Variants in SCNN1G observed in about 807,000 individuals in gnomAD.
SCNN1G encodes the protein sodium channel epithelial 1 subunit gamma.
A neutral mutation model predicts 64.6 loss-of-function variants in SCNN1G; 27 were observed. The ratio of observed to expected loss-of-function variants is 0.42; its 90% CI spans 0.31 to 0.58. The LOEUF is 0.58. Among genes scored for constraint, SCNN1G ranks in the 20% least tolerant of loss-of-function variants. The pLI is 0.18. For synonymous variants in SCNN1G, 330 were observed against 314.2 expected (o/e 1.05, Z -0.53); for missense variants, 743 against 823.4 (o/e 0.90, Z 1.19).
Position 23,214,755 on chromosome 16 carries a change from CAGAGATCCATCAT to C in SCNN1G, c.1538_1550del (p.Gln513ArgfsTer23). 1 of 1,614,124 alleles carries C rather than the reference CAGAGATCCATCAT, an allele frequency of 6.2e-7. No individual in the cohort carries two copies. The highest frequency in any genetic ancestry group is 1.1e-5 in the South Asian group (1 of 91,078). On this transcript the variant is annotated frameshift_variant, in exon 12 of 13. Coordinates refer to ENST00000300061, the MANE Select transcript of SCNN1G (RefSeq NM_001039.4). LOFTEE classifies it high-confidence loss of function. The stretch of plus-strand genomic sequence containing the variant: ...CTTGATATTCTACAAAGACCTGAAC[CAGAGATCCATCAT>C]GGAGAGCCCAGCCAACAGTGTGAGT...
chr16:23,184,834 G>T (rs1309345685), intron 1 of SCNN1G, among the ~76,000 whole-genome samples: 3 of 152,130 alleles, frequency 2.0e-5, no homozygotes, highest in Admixed American at 6.5e-5. Flanking sequence ...GGTCCTCTCT[G>T]GTCCTGGGGA....
chr16:23,186,412 C>T lies in SCNN1G; in HGVS notation c.141C>T (p.Ser47=). 1.2e-6 allele frequency: 2 copies of T among 1,614,238 alleles called. No homozygotes were observed. The highest frequency in any genetic ancestry group is 1.7e-6 in the Non-Finnish European group (2 of 1,180,044). ...NTHGCRRIVV[S]RGRLRRLLWI... The stretch of plus-strand genomic sequence containing the variant: ...ATGGCTGTCGCCGCATCGTGGTGTC[C>T]CGCGGCCGTCTGCGCCGCCTCCTCT... The change falls in exon 2 of 13, where the codon TCC becomes TCT. Residue 47 remains serine (S), a synonymous_variant. Transcript: ENST00000300061.
intron 6 of SCNN1G, among the ~76,000 whole-genome samples, chr16:23,204,316 T>TAC (rs1959947543): frequency 1.2e-5 from 1 of 82,700 alleles, no homozygotes; most frequent in African/African-American, 4.5e-5. Context: ...TATATATATA[T>TAC]ATATATATAT....
At position 23,194,232 on chromosome 16, in the gene SCNN1G, A is replaced by T. The variant is rs776412617; in HGVS notation, c.871A>T (p.Asn291Tyr). Residue 291 changes from asparagine (N) to tyrosine (Y), a missense_variant, in exon 5 of 13, where the codon AAT (asparagine) becomes TAT (tyrosine). Coordinates refer to ENST00000300061, the MANE Select transcript of SCNN1G (RefSeq NM_001039.4). ...GNCYTFNNRE[N>Y]ETILSTSMGG... ...TTGCTATACTTTCAACAACAGAGAAAATGAGACCATTCTCAGCACCTCCAT... is the reference window on the plus strand; with the variant it reads ...TTGCTATACTTTCAACAACAGAGAATATGAGACCATTCTCAGCACCTCCAT... 1 of 1,613,982 alleles carries T rather than the reference A, an allele frequency of 6.2e-7. No homozygotes were observed. The highest frequency in any genetic ancestry group is 2.2e-5 in the East Asian group (1 of 44,876).
chr16:23,194,781 G>A (rs575576712), intron 5 of SCNN1G: 1 of 182,266 alleles, frequency 5.5e-6, no homozygotes, highest in African/African-American at 2.4e-5. Flanking sequence ...TGAGATTACT[G>A]ACAGGACTTA....
At chr16:23,198,116 T>G (rs1423769632) in intron 6 of SCNN1G, among the ~76,000 whole-genome samples, 4 of 152,214 alleles carry the variant, frequency 2.6e-5, no homozygotes, top group Non-Finnish European at 5.9e-5. Context: ...CACTCAGCTA[T>G]CCAAAGTCTA....
chr16:23,196,870 T>C (rs1362507006), intron 5 of SCNN1G, among the ~76,000 whole-genome samples: 2 of 152,208 alleles, frequency 1.3e-5, no homozygotes, highest in Non-Finnish European at 2.9e-5. Context: ...TCATCTCTTC[T>C]CTGAGTGCCC....
Position 23,192,556 on chromosome 16 carries a change from G to T in SCNN1G, c.809+14G>T. 6.2e-7 allele frequency: 1 copy of T among 1,604,356 alleles called. No individual in the cohort carries two copies. Among genetic ancestry groups the T allele is most frequent in the Non-Finnish European group, 8.5e-7 (1 of 1,174,016 alleles). On this transcript the variant is annotated intron_variant, in intron 4 of 12. Coordinates refer to ENST00000300061, the MANE Select transcript of SCNN1G (RefSeq NM_001039.4). Reference sequence around the variant, plus strand: ...CTGTGATGCCAGGTCAGGAGAGAATGCTGCTCTCTCAGCCTCTAAGGACTG... The same window carrying T: ...CTGTGATGCCAGGTCAGGAGAGAATTCTGCTCTCTCAGCCTCTAAGGACTG...
chr16:23,193,950 C>T (rs574706516), intron 4 of SCNN1G, among the ~76,000 whole-genome samples: 14 of 131,272 alleles, frequency 1.1e-4, no homozygotes, highest in Admixed American at 3.8e-4. Context: ...GAGAAGATTC[C>T]GAGAGAAAAC....
At chr16:23,190,831 A>ATTTTTTTT (rs896029487) in intron 3 of SCNN1G, among the ~76,000 whole-genome samples, 7 of 56,250 alleles carry the variant, frequency 1.2e-4, no homozygotes, top group Admixed American at 2.9e-4. Flanking sequence ...ATTTGAGGGG[A>ATTTTTTTT]TTTTTTTTTT....
intron 2 of SCNN1G, among the ~76,000 whole-genome samples, chr16:23,188,526 T>C (rs1959651103): frequency 6.6e-6 from 1 of 152,066 alleles, no homozygotes; most frequent in Non-Finnish European, 1.5e-5. Context: ...ATAATAACAA[T>C]AATAGAGGGC....
intron 6 of SCNN1G, among the ~76,000 whole-genome samples, chr16:23,207,005 G>A (rs1358167263): frequency 1.3e-5 from 2 of 152,128 alleles, no homozygotes; most frequent in African/African-American, 2.4e-5. Flanking sequence ...TCATGCATTC[G>A]AGGCATGAAC....
chr16:23,203,769 CAAAAAAAAAAAA>C (rs71151702), intron 6 of SCNN1G, among the ~76,000 whole-genome samples: 2 of 42,280 alleles, frequency 4.7e-5, no homozygotes, highest in East Asian at 8.6e-4. Context: ...GACTCCGTCT[CAAAAAAAAAAAA>C]AAAAAAAAAA....
chr16:23,188,398 G>A (rs900892993), intron 2 of SCNN1G, among the ~76,000 whole-genome samples: 2 of 152,134 alleles, frequency 1.3e-5, no homozygotes, highest in South Asian at 4.2e-4. Flanking sequence ...CATAGTCCCA[G>A]CAACTTAGGA....
chr16:23,194,572 G>A (rs547723953), intron 5 of SCNN1G, among the ~76,000 whole-genome samples: 3 of 152,218 alleles, frequency 2.0e-5, no homozygotes, highest in Admixed American at 6.5e-5. Flanking sequence ...GCTAGGGTGA[G>A]TAATGCAGGA....
chr16:23,187,642 T>A (rs1959635096), intron 2 of SCNN1G, among the ~76,000 whole-genome samples: 1 of 152,156 alleles, frequency 6.6e-6, no homozygotes, highest in African/African-American at 2.4e-5. Flanking sequence ...GACACCCAGG[T>A]GACTTCTGTA....
Position 23,191,645 on chromosome 16 carries a change from C to T in SCNN1G, c.619-707C>T, listed in dbSNP as rs533659364. Among the ~76,000 whole-genome samples, 8 of 152,242 alleles carry T rather than the reference C, an allele frequency of 5.3e-5. No homozygotes were observed. In the South Asian group the frequency reaches 8.3e-4, roughly 16 times the overall value. ...TTAGCCGTGTTGCCCGGGCTGGTCT[C>T]GAATTCCTGGCCTCAATCAGTCTTC... On this transcript the variant is annotated intron_variant, in intron 3 of 12. Coordinates refer to ENST00000300061, the MANE Select transcript of SCNN1G (RefSeq NM_001039.4).
At chr16:23,209,643 C>A in intron 6 of SCNN1G, 107 bp from the exon 7 acceptor site, 1 of 814,048 alleles carries the variant, frequency 1.2e-6, no homozygotes, top group Non-Finnish European at 2.2e-6. Flanking sequence ...AATAGCTTCT[C>A]AGCTCCCAAG....
chr16:23,190,726 A>C (rs1596763827), intron 3 of SCNN1G, among the ~76,000 whole-genome samples: 1 of 152,134 alleles, frequency 6.6e-6, no homozygotes, highest in East Asian at 1.9e-4. Flanking sequence ...CACCCAAAAG[A>C]AAAAGACGGA....
Sources: allele counts gnomAD v4.1 joint callset (sites outside exome capture counted in the v4.1 genomes callset), GRCh38; gene constraint gnomAD v4.1.1; transcripts MANE v1.5; gene names NCBI Gene and HGNC (gene_info 2026-07-23, HGNC 2026-07-21).